The following CDK12 variants were observed in gnomAD, a reference collection of about 807,000 sequenced individuals.
CDK12 encodes cyclin dependent kinase 12.
Under a neutral mutation model 133.8 loss-of-function variants are expected in CDK12, and 17 were observed. The observed-to-expected ratio is 0.13, with a 90% CI of 0.09 to 0.19. The LOEUF is 0.19. Among genes scored for constraint, CDK12 ranks in the 10% least tolerant of loss-of-function variants. The pLI, the probability that CDK12 is intolerant of heterozygous loss-of-function variation, is 1.00. For missense variants in CDK12, 1,508 were observed against 1,818.7 expected, an observed-to-expected ratio of 0.83 and a Z score of 3.11; for synonymous variants, 694 against 683.6, an observed-to-expected ratio of 1.02 and a Z score of -0.24.
chr17:39,521,971 G>C (rs1222647036), intron 11 of CDK12, among the ~76,000 whole-genome samples: 1 of 152,134 alleles, frequency 6.6e-6, no homozygotes, highest in African/African-American at 2.4e-5. Flanking sequence ...AAAGTCATGG[G>C]ATTACAGGCA....
At chr17:39,463,173 C>T (rs2049068308) in intron 1 of CDK12, 56 bp downstream of exon 1, 2 of 1,479,842 alleles carry the variant, frequency 1.4e-6, no homozygotes, top group Admixed American at 1.8e-5. Context: ...GAGGAATTGG[C>T]ATTCAGCGTG....
intron 11 of CDK12, among the ~76,000 whole-genome samples, chr17:39,522,921 T>G (rs1461284051): frequency 6.6e-6 from 1 of 151,036 alleles, no homozygotes; most frequent in Non-Finnish European, 1.5e-5. Flanking sequence ...GGTGTGGTGG[T>G]GTATGCTTGT....
At chr17:39,559,471 T>A (rs1164585667) in intron 3 of CDK12, among the ~76,000 whole-genome samples, 1 of 152,196 alleles carries the variant, frequency 6.6e-6, no homozygotes, top group Non-Finnish European at 1.5e-5. Context: ...CCCTTTTATA[T>A]TCACACCTCC....
intron 2 of CDK12, among the ~76,000 whole-genome samples, chr17:39,482,255 A>C (rs1035519579): frequency 9.1e-4 from 127 of 140,196 alleles, no homozygotes; most frequent in Middle Eastern, 9.3e-3. Context: ...CAGGTGATCC[A>C]CCCGCCTCGG....
At chr17:39,474,949 T>C (rs780897276) in intron 2 of CDK12, among the ~76,000 whole-genome samples, 2 of 151,846 alleles carry the variant, frequency 1.3e-5, no homozygotes, top group African/African-American at 2.4e-5. Context: ...TTCTCATGCC[T>C]CAGCTCCTCT....
At chr17:39,553,903 C>T (rs568706214) in intron 2 of CDK12, among the ~76,000 whole-genome samples, 1 of 150,948 alleles carries the variant, frequency 6.6e-6, no homozygotes, top group Non-Finnish European at 1.5e-5. Flanking sequence ...AATGAAGGTC[C>T]CTCATCTGGA....
intron 3 of CDK12, among the ~76,000 whole-genome samples, chr17:39,561,318 T>C (rs1030265726): frequency 1.3e-5 from 2 of 152,310 alleles, no homozygotes; most frequent in Admixed American, 1.3e-4. Flanking sequence ...TTTTTGTTGT[T>C]TTTGAACAGG....
chr17:39,500,236 C>T (rs144245428), intron 5 of CDK12, among the ~76,000 whole-genome samples: 211 of 152,032 alleles, frequency 1.4e-3, no homozygotes, highest in African/African-American at 4.6e-3. Context: ...GAGGCTGAGG[C>T]GGAAGATTCG....
intron 6 of CDK12, among the ~76,000 whole-genome samples, chr17:39,507,620 A>C (rs147553983): frequency 8.1e-4 from 124 of 152,258 alleles, no homozygotes; most frequent in Middle Eastern, 6.8e-3. Context: ...ACATTTATTT[A>C]GTACCTAGTA....
At chr17:39,486,326 A>G (rs964548220) in intron 2 of CDK12, among the ~76,000 whole-genome samples, 4 of 148,176 alleles carry the variant, frequency 2.7e-5, no homozygotes, top group Non-Finnish European at 5.9e-5. Flanking sequence ...CAGTGGCACA[A>G]TCATGGCTCA....
chr17:39,481,666 C>T (rs533654667), intron 2 of CDK12, among the ~76,000 whole-genome samples: 6 of 12,688 alleles, frequency 4.7e-4, no homozygotes, highest in Admixed American at 8.3e-4. Context: ...CTCTCTCTCT[C>T]TCTCTCTCTC....
intron 13 of CDK12, chr17:39,529,935 C>T (rs2054725044): frequency 1.3e-5 from 2 of 151,890 alleles, no homozygotes; most frequent in Admixed American, 1.3e-4. Context: ...AGAAATTAGT[C>T]TTTAAAATTA....
Position 39,532,885 on chromosome 17 carries a change from A to G in CDK12, c.*1569A>G, listed in dbSNP as rs1740911512. On this transcript the variant is annotated 3_prime_UTR_variant, in exon 14 of 14. Coordinates refer to ENST00000447079, the MANE Select transcript of CDK12 (RefSeq NM_016507.4). ...CATATAGAGTGTTTTAAAAACAGATACATGTCATATAATTTATCTGCACAG... is the reference window on the plus strand; with the variant it reads ...CATATAGAGTGTTTTAAAAACAGATGCATGTCATATAATTTATCTGCACAG... 1 of 233,032 alleles carries G rather than the reference A, an allele frequency of 4.3e-6. No homozygotes were observed. The highest frequency in any genetic ancestry group is 6.0e-5 in the East Asian group (1 of 16,614). 14.4% of individuals were successfully genotyped at this position (233,032 alleles called of 1,614,324 possible).
chr17:39,552,108 A>G (rs1172528444), intron 2 of CDK12, among the ~76,000 whole-genome samples: 2 of 151,586 alleles, frequency 1.3e-5, no homozygotes, highest in Non-Finnish European at 2.9e-5. Flanking sequence ...AGCCTCACCC[A>G]GCCCTTCCTT....
chr17:39,476,208 C>G (rs2050179125), intron 2 of CDK12, among the ~76,000 whole-genome samples: 1 of 151,008 alleles, frequency 6.6e-6, no homozygotes, highest in Admixed American at 6.6e-5. Context: ...TCCCAGGGTT[C>G]AAGCGATTCT....
chr17:39,497,803 C>A (rs1254006704), intron 5 of CDK12, among the ~76,000 whole-genome samples: 1 of 151,966 alleles, frequency 6.6e-6, no homozygotes, highest in East Asian at 1.9e-4. Flanking sequence ...CAGGATCTCT[C>A]TATGTTGCAC....
Position 39,531,226 on chromosome 17 carries a change from C to T in CDK12, c.4383C>T (p.Gly1461=). 1 of 1,515,814 alleles carries T rather than the reference C, an allele frequency of 6.6e-7. No homozygotes were observed. The allele number at this position is 1,515,814 out of a possible 1,614,324, so 93.9% of individuals were successfully genotyped here. A position where few individuals can be genotyped will look rare whatever the true frequency, so the allele number is the denominator to read the frequency against. Residue 1461 remains glycine (G), a synonymous_variant, in exon 14 of 14, where the codon GGC becomes GGT. Transcript: ENST00000447079. ...SSSGAGLHWG[G]PTQSSAYGKL... ...CAGGAGCAGGCCTTCACTGGGGGGG[C>T]CCAACTCAGTCTTCTGCTTATGGAA...
intron 9 of CDK12, among the ~76,000 whole-genome samples, chr17:39,516,895 C>A (rs1230868092): frequency 1.3e-5 from 2 of 149,728 alleles, no homozygotes; most frequent in African/African-American, 4.9e-5. Flanking sequence ...GATCTCCTGA[C>A]CTCATGATCC....
At chr17:39,535,104 T>C (rs569854799), downstream of CDK12, 1 of 152,314 alleles carries the variant, frequency 6.6e-6, no homozygotes, top group Admixed American at 6.5e-5. Context: ...GTTTCCAAAA[T>C]CTTTCCCATC....
Sources: gnomAD v4.1 joint callset for allele counts (sites outside exome capture counted in the v4.1 genomes callset) on GRCh38, gnomAD v4.1.1 for gene constraint, MANE v1.5 for transcripts, NCBI Gene and HGNC (gene_info 2026-07-23, HGNC 2026-07-21) for gene names.